The following MBD2 variants were observed in gnomAD, a reference collection of about 807,000 sequenced individuals.
The protein encoded by MBD2 is methyl-CpG-binding domain protein 2.
In MBD2, 9 loss-of-function variants were observed where a neutral mutation model predicts 39.3. The ratio of observed to expected loss-of-function variants is 0.23; its 90% CI spans 0.14 to 0.40. MBD2 has a LOEUF of 0.40. Among genes scored for constraint, MBD2 ranks in the 10% least tolerant of loss-of-function variants. The pLI, the probability that MBD2 is intolerant of heterozygous loss-of-function variation, is 1.00. For missense variants in MBD2, 458 were observed against 532.6 expected (o/e 0.86, Z 1.38); for synonymous variants, 233 against 211.1 (o/e 1.10, Z -0.90).
At chr18:54,173,015 G>C (rs1316114797) in intron 3 of MBD2, among the ~76,000 whole-genome samples, 1 of 152,178 alleles carries the variant, frequency 6.6e-6, no homozygotes, top group Non-Finnish European at 1.5e-5. Context: ...TTAATAAGTA[G>C]TTGGTCATTT....
At chr18:54,204,888 A>G in intron 2 of MBD2, 110 bp downstream of exon 2, 1 of 993,964 alleles carries the variant, frequency 1.0e-6, no homozygotes, top group Non-Finnish European at 1.5e-6. Flanking sequence ...GTATGGGGAC[A>G]TGCACGGGAC....
intron 5 of MBD2, 131 bp downstream of exon 5, chr18:54,164,390 CTG>C: frequency 1.3e-6 from 1 of 751,510 alleles, no homozygotes; most frequent in East Asian, 2.7e-5. Flanking sequence ...CTGAAAAACT[CTG>C]TTAAAAAAGA....
In MBD2 at chr18:54,155,132, A is replaced by G. The variant is rs2086043373; in HGVS notation, c.*192T>C. On this transcript the variant is annotated 3_prime_UTR_variant, in exon 7 of 7. Transcript: ENST00000256429. ...TTTTAAGTCCTAGGACTCAAAATAA[A>G]CATGATTTTTTGAATAATAGATATA... 1 of 152,596 alleles carries G rather than the reference A, an allele frequency of 6.6e-6. No individual in the cohort carries two copies. The highest frequency in any genetic ancestry group is 6.5e-5 in the Admixed American group (1 of 15,272). 9.5% of individuals were successfully genotyped at this position (152,596 alleles called of 1,614,324 possible).
At chr18:54,181,893 C>T (rs1437211119) in intron 3 of MBD2, among the ~76,000 whole-genome samples, 1 of 152,214 alleles carries the variant, frequency 6.6e-6, no homozygotes, top group Non-Finnish European at 1.5e-5. Context: ...CCTGTCAGTC[C>T]TCATACTATA....
At chr18:54,222,926 C>A (rs1382680123) in intron 1 of MBD2, among the ~76,000 whole-genome samples, 2 of 152,188 alleles carry the variant, frequency 1.3e-5, no homozygotes, top group African/African-American at 2.4e-5. Context: ...TGTACAGACA[C>A]ATTTTCCCAG....
intron 1 of MBD2, among the ~76,000 whole-genome samples, chr18:54,222,761 A>G (rs1323086671): frequency 6.6e-6 from 1 of 152,276 alleles, no homozygotes; most frequent in Admixed American, 6.5e-5. Context: ...CTACTCATCC[A>G]TATATAGCAA....
rs1240145095 is a variant in MBD2, at chr18:54,224,284, C to G, written c.276G>C (p.Arg92=). The G allele has an allele frequency of 1.1e-6, 1 of 938,120 alleles. No homozygotes were observed. Among genetic ancestry groups the G allele is most frequent in the Non-Finnish European group, 1.3e-6 (1 of 788,982 alleles). The allele number at this position is 938,120 out of a possible 1,614,324, so 58.1% of individuals were successfully genotyped here. A position where few individuals can be genotyped will look rare whatever the true frequency, so the allele number is the denominator to read the frequency against. ...RGRGRGRGRG[R]GRGRPPSGGS... is the part of the protein sequence containing the mutation. ...CGCCACTCGGGGGACGGCCGCGGCC[C>G]CGGCCCCGGCCCCGTCCCCGTCCCC... is the stretch of plus-strand genomic sequence containing the variant. Residue 92 remains arginine (R), a synonymous_variant, in exon 1 of 7, where the codon CGG becomes CGC. Transcript: ENST00000256429.
chr18:54,171,645 G>T (rs573505127), intron 3 of MBD2, among the ~76,000 whole-genome samples: 1 of 152,298 alleles, frequency 6.6e-6, no homozygotes, highest in African/African-American at 2.4e-5. Context: ...CCAATGTTCT[G>T]TCTTACCCAG....
Position 54,224,035 on chromosome 18 carries a change from G to C in MBD2, c.525C>G (p.Ser175Arg). 1 of 1,591,784 alleles carries C rather than the reference G, an allele frequency of 6.3e-7. No homozygotes were observed. Among genetic ancestry groups the C allele is most frequent in the East Asian group, 2.3e-5 (1 of 42,800 alleles). The change falls in exon 1 of 7, where the codon AGC becomes AGG. Residue 175 changes from serine (S) to arginine (R), a missense_variant. By Grantham distance (110) the Ser-to-Arg change is moderately radical. Coordinates refer to ENST00000256429, the MANE Select transcript of MBD2 (RefSeq NM_003927.5). ...GGAGGTACCTGAAGTAGTAGACATC[G>C]CTCTTGCCAGCACTTAGCCCAGATT... ...IRKSGLSAGK[S>R]DVYYFSPSGK...
At chr18:54,199,102 C>G (rs1179316457) in intron 2 of MBD2, among the ~76,000 whole-genome samples, 13 of 152,188 alleles carry the variant, frequency 8.5e-5, no homozygotes, top group Non-Finnish European at 1.5e-5. Flanking sequence ...ATATCCTTTT[C>G]ATTATGGGCC....
intron 1 of MBD2, among the ~76,000 whole-genome samples, chr18:54,213,753 T>C (rs1328794742): frequency 1.3e-5 from 2 of 152,328 alleles, no homozygotes; most frequent in East Asian, 3.9e-4. Flanking sequence ...CTGGTAACTG[T>C]TGAAACTGGA....
At chr18:54,189,302 C>A (rs2086303881) in intron 2 of MBD2, among the ~76,000 whole-genome samples, 1 of 149,544 alleles carries the variant, frequency 6.7e-6, no homozygotes, top group South Asian at 2.1e-4. Flanking sequence ...AGGCTCACTA[C>A]AAGCTCCGCC....
At chr18:54,214,985 C>G (rs2086544755) in intron 1 of MBD2, among the ~76,000 whole-genome samples, 1 of 152,114 alleles carries the variant, frequency 6.6e-6, no homozygotes, top group South Asian at 2.1e-4. Flanking sequence ...CGTGATCCAC[C>G]CGCCTCAGCC....
At chr18:54,221,700 C>T (rs898496138) in intron 1 of MBD2, among the ~76,000 whole-genome samples, 6 of 151,860 alleles carry the variant, frequency 4.0e-5, no homozygotes, top group Non-Finnish European at 8.8e-5. Flanking sequence ...ACCCGAGAGG[C>T]GGAGGATGCA....
intron 2 of MBD2, among the ~76,000 whole-genome samples, chr18:54,192,587 T>C (rs2086328771): frequency 6.6e-6 from 1 of 152,222 alleles, no homozygotes; most frequent in Admixed American, 6.5e-5. Context: ...GGTGGCATCA[T>C]GTGTCTACTT....
chr18:54,210,861 T>G (rs1214501796), intron 1 of MBD2, among the ~76,000 whole-genome samples: 5 of 145,840 alleles, frequency 3.4e-5, no homozygotes, highest in Admixed American at 1.4e-4. Flanking sequence ...AAACATCAAC[T>G]TTCTATTTTT....
At chr18:54,203,970 A>C (rs1297412008) in intron 2 of MBD2, among the ~76,000 whole-genome samples, 3 of 152,226 alleles carry the variant, frequency 2.0e-5, no homozygotes, top group Non-Finnish European at 2.9e-5. Context: ...GAGAAACTGA[A>C]GGCCCTTGGA....
At chr18:54,170,578 C>T (rs2086172872) in intron 3 of MBD2, among the ~76,000 whole-genome samples, 1 of 152,086 alleles carries the variant, frequency 6.6e-6, no homozygotes, top group South Asian at 2.1e-4. Flanking sequence ...AGATGGCTTA[C>T]TAGGAAAAAG....
intron 1 of MBD2, among the ~76,000 whole-genome samples, chr18:54,212,012 A>C (rs2086512255): frequency 1.3e-5 from 2 of 151,630 alleles, no homozygotes; most frequent in Non-Finnish European, 2.9e-5. Flanking sequence ...CCTGCCACCA[A>C]ACCCAGCTAA....
Sources: allele counts gnomAD v4.1 joint callset (sites outside exome capture counted in the v4.1 genomes callset), GRCh38; gene constraint gnomAD v4.1.1; transcripts MANE v1.5; gene names NCBI Gene and HGNC (gene_info 2026-07-23, HGNC 2026-07-21).